The following SRC variants were observed in gnomAD, a reference collection of about 807,000 sequenced individuals.
The protein encoded by SRC is SRC proto-oncogene, non-receptor tyrosine kinase.
SRC carries 13 observed loss-of-function variants against 62.9 expected under a neutral mutation model. The ratio of observed to expected loss-of-function variants is 0.21; its 90% CI spans 0.13 to 0.33. The LOEUF is 0.33. SRC is among the 10% of genes least tolerant of loss of function. The pLI, the probability that SRC is intolerant of heterozygous loss-of-function variation, is 1.00. For synonymous variants in SRC, 302 were observed against 317.5 expected, an observed-to-expected ratio of 0.95 and a Z score of 0.52; for missense variants, 457 against 737.3, an observed-to-expected ratio of 0.62 and a Z score of 4.40.
rs762419620 is a variant in SRC, at chr20:37,384,422, C to A, written c.250+19C>A. The A allele has an allele frequency of 3.1e-5, 41 of 1,339,220 alleles. No individual in the cohort carries two copies. The South Asian group carries it at 7.2e-4, about 24-fold the overall frequency. The allele number at this position is 1,339,220 out of a possible 1,614,324, so 83.0% of individuals were successfully genotyped here. A position where few individuals can be genotyped will look rare whatever the true frequency, so the allele number is the denominator to read the frequency against. ...CTGGCCGGTCAGTGCGCGGGCGGCG[C>A]GGGGTCCTCGCCCACCTGGGGCCAC... On this transcript the variant is annotated intron_variant, in intron 4 of 13. Coordinates refer to ENST00000373578, the MANE Select transcript of SRC (RefSeq NM_198291.3). The surrounding 1 kb of genome is among the most constrained non-coding windows in gnomAD (Gnocchi z 6.7).
At chr20:37,349,168 A>G (rs6017944) in intron 1 of SRC, among the ~76,000 whole-genome samples, 41,506 of 152,116 alleles carry the variant, frequency 0.27, 6,532 homozygotes, top group African/African-American at 0.42. Context: ...AGATCTGATG[A>G]TAGACCTAGA....
At position 37,379,468 on chromosome 20, in the gene SRC, C is replaced by T. The variant is rs544178657; in HGVS notation, c.-172-3151C>T. 3.3e-5 allele frequency among the ~76,000 whole-genome samples: 5 copies of T among 152,142 alleles called. No homozygotes were observed. The East Asian group carries it at 5.8e-4, about 18-fold the overall frequency. The stretch of plus-strand genomic sequence containing the variant: ...GTCCCACGGCATGGAAGCAGCCCTC[C>T]GAGACTAACTCCCACCCTCACTGAG... On this transcript the variant is annotated intron_variant, in intron 2 of 13. Coordinates refer to ENST00000373578, the MANE Select transcript of SRC (RefSeq NM_198291.3).
At chr20:37,375,898 C>T (rs764550881) in intron 2 of SRC, among the ~76,000 whole-genome samples, 1 of 152,224 alleles carries the variant, frequency 6.6e-6, no homozygotes, top group Non-Finnish European at 1.5e-5. Context: ...CAAACGGCCA[C>T]CTTCTTAATG....
chr20:37,373,210 A>G (rs1471053509), intron 2 of SRC, among the ~76,000 whole-genome samples: 2 of 146,648 alleles, frequency 1.4e-5, no homozygotes, highest in African/African-American at 5.4e-5. Context: ...ACATATCTAC[A>G]CACATGTACA....
At chr20:37,374,507 G>C (rs1195743949) in intron 2 of SRC, among the ~76,000 whole-genome samples, 2 of 150,316 alleles carry the variant, frequency 1.3e-5, no homozygotes, top group African/African-American at 4.9e-5. Flanking sequence ...TGGTTTAATA[G>C]TTTTGCAGTA....
chr20:37,353,748 C>T (rs887062599), intron 1 of SRC, among the ~76,000 whole-genome samples: 3 of 152,178 alleles, frequency 2.0e-5, no homozygotes, highest in Admixed American at 6.5e-5. Context: ...AGGCCTGCCC[C>T]GCCTCATCTG....
At chr20:37,389,367 C>T (rs2070508998) in intron 5 of SRC, among the ~76,000 whole-genome samples, 2 of 152,196 alleles carry the variant, frequency 1.3e-5, no homozygotes, top group African/African-American at 2.4e-5. Context: ...GGCAACAGCG[C>T]CTCAGCTGGC....
intron 1 of SRC, among the ~76,000 whole-genome samples, chr20:37,361,620 G>A (rs577789258): frequency 2.2e-4 from 34 of 152,348 alleles, no homozygotes; most frequent in African/African-American, 7.9e-4. Context: ...GCCGGCTGGC[G>A]GCCATCTCCA....
chr20:37,397,418 G>C lies in SRC; in HGVS notation c.704-281G>C, dbSNP rs898430730. On this transcript the variant is annotated intron_variant, in intron 8 of 13. Coordinates refer to ENST00000373578, the MANE Select transcript of SRC (RefSeq NM_198291.3). The surrounding 1 kb of genome is among the most constrained non-coding windows in gnomAD (Gnocchi z 4.1). Reference sequence around the variant, plus strand: ...CCTCCCTGGACTCTGAGTTCCTGAGGGCAGGTTCCCTGGACATGTTCCCTC... The same window carrying C: ...CCTCCCTGGACTCTGAGTTCCTGAGCGCAGGTTCCCTGGACATGTTCCCTC... Among the ~76,000 whole-genome samples the C allele has an allele frequency of 6.6e-6, 1 of 152,172 alleles. No individual in the cohort carries two copies. Among genetic ancestry groups the C allele is most frequent in the African/African-American group, 2.4e-5 (1 of 41,440 alleles).
chr20:37,386,065 C>A lies in SRC; in HGVS notation c.251-10C>A. The stretch of plus-strand genomic sequence containing the variant: ...CCCACTGTTCTGACACACCCCACCC[C>A]TCTCTGCAGGTGGAGTGACCACCTT... On this transcript the variant is annotated splice_polypyrimidine_tract_variant and intron_variant, in intron 4 of 13. Coordinates refer to ENST00000373578, the MANE Select transcript of SRC (RefSeq NM_198291.3). The A allele has an allele frequency of 6.2e-7, 1 of 1,607,762 alleles. No individual in the cohort carries two copies. Among genetic ancestry groups the A allele is most frequent in the Middle Eastern group, 1.7e-4 (1 of 6,052 alleles).
chr20:37,378,950 G>T (rs2070317849), intron 2 of SRC, among the ~76,000 whole-genome samples: 1 of 143,396 alleles, frequency 7.0e-6, no homozygotes, highest in African/African-American at 2.6e-5. Flanking sequence ...GGTGCTCTGC[G>T]AATACCTGGA....
chr20:37,368,558 T>G (rs1568625273), intron 2 of SRC, among the ~76,000 whole-genome samples: 21 of 132,276 alleles, frequency 1.6e-4, no homozygotes, highest in East Asian at 6.5e-4. Flanking sequence ...TTTTTTTTTT[T>G]GTTTTTTTTT....
At chr20:37,360,736 C>T (rs1026125825) in intron 1 of SRC, among the ~76,000 whole-genome samples, 3 of 152,198 alleles carry the variant, frequency 2.0e-5, no homozygotes, top group African/African-American at 7.2e-5. Flanking sequence ...ATAGCTGCTC[C>T]TACTCTTTTG....
In SRC at chr20:37,397,960, G is replaced by C; in HGVS notation, c.859+106G>C. The C allele has an allele frequency of 2.2e-6, 3 of 1,372,386 alleles. No homozygotes were observed. The highest frequency in any genetic ancestry group is 2.9e-6 in the Non-Finnish European group (3 of 1,031,472). The allele number at this position is 1,372,386 out of a possible 1,614,324, so 85.0% of individuals were successfully genotyped here. ...CCTTTAGCTGCCTCTGCTGGATGACGGGGCCCTGTTGTAAATCTGGAGCTC... is the reference window on the plus strand; with the variant it reads ...CCTTTAGCTGCCTCTGCTGGATGACCGGGCCCTGTTGTAAATCTGGAGCTC... On this transcript the variant is annotated intron_variant, in intron 9 of 13. Transcript: ENST00000373578. This position sits in a 1 kb window ranked among gnomAD's most constrained non-coding sequence, Gnocchi z 4.1.
chr20:37,395,418 T>A (rs1435855257), intron 7 of SRC, among the ~76,000 whole-genome samples: 1 of 152,238 alleles, frequency 6.6e-6, no homozygotes, highest in Non-Finnish European at 1.5e-5. Flanking sequence ...TCAGCCTTGT[T>A]CCCTGATGCC....
At chr20:37,376,175 A>G (rs948977308) in intron 2 of SRC, among the ~76,000 whole-genome samples, 2 of 151,900 alleles carry the variant, frequency 1.3e-5, no homozygotes, top group East Asian at 1.9e-4. Context: ...CTCCTAATCA[A>G]CTCCACCAGA....
In SRC at chr20:37,405,131, C is replaced by T. The variant is rs975211994; in HGVS notation, c.*1752C>T. On this transcript the variant is annotated 3_prime_UTR_variant, in exon 14 of 14. Coordinates refer to ENST00000373578, the MANE Select transcript of SRC (RefSeq NM_198291.3). ...CGTCTTTATTACCCAAGTCTTCTCC[C>T]GTCCATTCCAGTCAAATCTGGGCTC... 3.9e-5 allele frequency: 9 copies of T among 232,996 alleles called. No homozygotes were observed. The highest frequency in any genetic ancestry group is 1.2e-4 in the East Asian group (2 of 16,538). The allele number at this position is 232,996 out of a possible 1,614,324, so 14.4% of individuals were successfully genotyped here.
At chr20:37,367,025 C>T (rs2070072840) in intron 2 of SRC, among the ~76,000 whole-genome samples, 1 of 152,092 alleles carries the variant, frequency 6.6e-6, no homozygotes, top group Admixed American at 6.6e-5. Flanking sequence ...CACATTCTTG[C>T]CAACATTTGT....
intron 1 of SRC, among the ~76,000 whole-genome samples, chr20:37,362,890 G>A (rs967033972): frequency 3.3e-5 from 5 of 152,204 alleles, no homozygotes; most frequent in African/African-American, 1.2e-4. Context: ...TGGTGTGCCA[G>A]TCTTTCCCCC....
Sources: allele counts gnomAD v4.1 joint callset (sites outside exome capture counted in the v4.1 genomes callset), GRCh38; gene constraint gnomAD v4.1.1; non-coding constraint Gnocchi (gnomAD v3.1); transcripts MANE v1.5; gene names NCBI Gene and HGNC (gene_info 2026-07-23, HGNC 2026-07-21).